LRRIQ1: variants seen among roughly 807,000 people sequenced by gnomAD.
The protein encoded by LRRIQ1 is leucine rich repeats and IQ motif containing 1.
A neutral mutation model predicts 211.9 loss-of-function variants in LRRIQ1; 210 were observed. The ratio of observed to expected loss-of-function variants is 0.99; its 90% CI spans 0.89 to 1.11. The LOEUF (loss-of-function observed/expected upper bound fraction) is 1.11. LRRIQ1 is among the 50% of genes most tolerant of loss of function. The probability of loss-of-function intolerance (pLI) is 0.00; values close to 1 mark genes in which losing one functional copy is unlikely to be tolerated. For synonymous variants in LRRIQ1, 699 were observed against 650.1 expected, an observed-to-expected ratio of 1.08 and a Z score of -1.14; for missense variants, 2,136 against 1,939.5, an observed-to-expected ratio of 1.10 and a Z score of -1.90.
Position 85,244,787 on chromosome 12 carries a change from AG to A in LRRIQ1, c.5017del, listed in dbSNP as rs1354284370. On this transcript the variant is annotated splice_acceptor_variant, in intron 26 of 26. Transcript: ENST00000393217. LOFTEE classifies it high-confidence loss of function. Reference sequence around the variant, plus strand: ...GTATACATTCTCTTCCATTGCTCCCAGGCAAGACTTGTAAGCAGAGAAGACA... The same window carrying A: ...GTATACATTCTCTTCCATTGCTCCCAGCAAGACTTGTAAGCAGAGAAGACA... 6.2e-7 allele frequency: 1 copy of A among 1,610,816 alleles called. No homozygotes were observed. Among genetic ancestry groups the A allele is most frequent in the East Asian group, 2.2e-5 (1 of 44,800 alleles).
At chr12:85,262,521 T>A (rs1896327782) in intron 1 of LRRIQ1, among the ~76,000 whole-genome samples, 1 of 151,896 alleles carries the variant, frequency 6.6e-6, no homozygotes, top group Non-Finnish European at 1.5e-5. Context: ...ATAAGACAAA[T>A]GTTAACATGT....
intron 8 of LRRIQ1, among the ~76,000 whole-genome samples, chr12:85,062,746 T>C (rs1284215633): frequency 6.6e-6 from 1 of 151,728 alleles, no homozygotes; most frequent in Non-Finnish European, 1.5e-5. Context: ...TGAATGGTGG[T>C]TCAACTCTTA....
chr12:85,193,065 ATAT>A (rs1892681348), intron 24 of LRRIQ1, among the ~76,000 whole-genome samples: 1 of 101,396 alleles, frequency 9.9e-6, no homozygotes, highest in South Asian at 2.8e-4. Flanking sequence ...TATAAATATT[ATAT>A]TATATTTTAT....
chr12:85,053,867 C>G (rs1880639479), intron 7 of LRRIQ1, among the ~76,000 whole-genome samples: 1 of 152,134 alleles, frequency 6.6e-6, no homozygotes, highest in Non-Finnish European at 1.5e-5. Flanking sequence ...GCCACTGCGC[C>G]CAGCTAATTT....
At chr12:85,155,354 C>T (rs986759294) in intron 23 of LRRIQ1, among the ~76,000 whole-genome samples, 1 of 151,522 alleles carries the variant, frequency 6.6e-6, no homozygotes, top group African/African-American at 2.4e-5. Context: ...GTTCATCAGG[C>T]TTCTCTGAAC....
At chr12:85,105,904 C>T (rs772767185) in intron 14 of LRRIQ1, among the ~76,000 whole-genome samples, 15 of 148,154 alleles carry the variant, frequency 1.0e-4, no homozygotes, top group Admixed American at 2.1e-4. Flanking sequence ...TCAAGTGATT[C>T]TCCTGCCTCA....
At chr12:85,272,089 T>C in the LRRIQ1 span, among the ~76,000 whole-genome samples, 1 of 152,196 alleles carries the variant, frequency 6.6e-6, no homozygotes, top group Non-Finnish European at 1.5e-5. Context: ...ATATCCTATA[T>C]GGTTTGCCTC....
chr12:85,103,316 G>T (rs115280611), intron 13 of LRRIQ1, among the ~76,000 whole-genome samples: 1 of 151,220 alleles, frequency 6.6e-6, no homozygotes, highest in Non-Finnish European at 1.5e-5. Context: ...AAATATCAGT[G>T]TGTTTTGGCC....
At chr12:85,217,236 A>G (rs982809404) in intron 24 of LRRIQ1, among the ~76,000 whole-genome samples, 2 of 151,126 alleles carry the variant, frequency 1.3e-5, no homozygotes, top group Non-Finnish European at 3.0e-5. Flanking sequence ...TGCTATAAGC[A>G]TTTCTGTTAT....
chr12:85,236,501 A>G (rs1309305978), intron 26 of LRRIQ1, among the ~76,000 whole-genome samples: 1 of 152,080 alleles, frequency 6.6e-6, no homozygotes, highest in African/African-American at 2.4e-5. Context: ...GAGAGGAATG[A>G]AAATGAAAAT....
Position 85,044,413 on chromosome 12 carries a change from T to G in LRRIQ1, c.245-305T>G, listed in dbSNP as rs1307615896. On this transcript the variant is annotated intron_variant, in intron 3 of 26. Coordinates refer to ENST00000393217, the MANE Select transcript of LRRIQ1 (RefSeq NM_001079910.2). ...AATTTTTGTTGATTTCTAATCAAGA[T>G]GCCGTTGCAATATCAAGCCAGGCAT... 4.6e-5 allele frequency among the ~76,000 whole-genome samples: 7 copies of G among 152,190 alleles called. No individual in the cohort carries two copies. The East Asian group carries it at 1.4e-3, about 29-fold the overall frequency.
intron 24 of LRRIQ1, among the ~76,000 whole-genome samples, chr12:85,188,706 C>T (rs1179173808): frequency 6.6e-6 from 1 of 152,126 alleles, no homozygotes; most frequent in Non-Finnish European, 1.5e-5. Flanking sequence ...CCTTGAAAAC[C>T]CCTTGCAAGT....
chr12:85,264,513 C>A (rs960224248), downstream of LRRIQ1: 4 of 151,958 alleles, frequency 2.6e-5, no homozygotes, highest in African/African-American at 7.2e-5. Flanking sequence ...TCAGCCTTGA[C>A]ATTATTATCT....
chr12:85,152,692 G>A (rs1173315547), intron 20 of LRRIQ1, among the ~76,000 whole-genome samples: 2 of 151,608 alleles, frequency 1.3e-5, no homozygotes, highest in Non-Finnish European at 3.0e-5. Context: ...TATGCATTAA[G>A]AGGGCAACAG....
At chr12:85,085,928 G>A (rs897268334) in intron 11 of LRRIQ1, among the ~76,000 whole-genome samples, 3 of 152,178 alleles carry the variant, frequency 2.0e-5, no homozygotes, top group Non-Finnish European at 4.4e-5. Context: ...TTGGTGGAAT[G>A]ATTTACTTTC....
Position 85,121,727 on chromosome 12 carries a change from G to T in LRRIQ1, c.3408G>T (p.Leu1136=). The change falls in exon 16 of 27, where the codon CTG becomes CTT. Residue 1136 remains leucine, a synonymous_variant. Coordinates refer to ENST00000393217, the MANE Select transcript of LRRIQ1 (RefSeq NM_001079910.2). ...RDSLLKVLPA[L]RILNGNILNS... ...CTCTACTTAAAGTGTTGCCTGCTCT[G>T]AGAATCCTCAATGGCAATATACTAA... 1 of 1,594,862 alleles carries T rather than the reference G, an allele frequency of 6.3e-7. No individual in the cohort carries two copies. The highest frequency in any genetic ancestry group is 8.5e-7 in the Non-Finnish European group (1 of 1,171,654).
rs1043608338 is a variant in LRRIQ1 at position 85,109,515 on chromosome 12, C to T, written c.3377+2900C>T. Among the ~76,000 whole-genome samples the T allele has an allele frequency of 1.2e-4, 19 of 152,190 alleles. No individual in the cohort carries two copies. The East Asian group carries it at 2.9e-3, about 23-fold the overall frequency. On this transcript the variant is annotated intron_variant, in intron 15 of 26. Coordinates refer to ENST00000393217, the MANE Select transcript of LRRIQ1 (RefSeq NM_001079910.2). ...GTTTTAGAAAAAAATTTGTCAACTT[C>T]CAGTTTAGAAATGTCTTTTCCAAGT...
In LRRIQ1 at chr12:85,055,937, GA is replaced by G. The variant is rs1400920035; in HGVS notation, c.1150del (p.Ile384Ter). 14 of 1,605,318 alleles carry G rather than the reference GA, an allele frequency of 8.7e-6. No homozygotes were observed. Among genetic ancestry groups the G allele is most frequent in the Non-Finnish European group, 1.2e-5 (14 of 1,176,588 alleles). Reference sequence around the variant, plus strand: ...GGAAAGAGAGCAACTAATAAGCAAGGAAAAAATAATATTAAGAGAAGATGCA... The same window carrying G: ...GGAAAGAGAGCAACTAATAAGCAAGGAAAAATAATATTAAGAGAAGATGCA... The part of the protein sequence containing the change: ...KQEREQLISK[E>X]KIILREDASQ... On this transcript the variant is annotated frameshift_variant, in exon 8 of 27. Transcript: ENST00000393217. LOFTEE classifies it high-confidence loss of function.
intron 11 of LRRIQ1, among the ~76,000 whole-genome samples, chr12:85,088,544 C>T (rs143141133): frequency 6.6e-6 from 1 of 152,100 alleles, no homozygotes; most frequent in African/African-American, 2.4e-5. Context: ...GGCAGTATGG[C>T]CATTTTCATG....
Sources: gnomAD v4.1 joint callset for allele counts (sites outside exome capture counted in the v4.1 genomes callset) on GRCh38, gnomAD v4.1.1 for gene constraint, MANE v1.5 for transcripts, NCBI Gene and HGNC (gene_info 2026-07-23, HGNC 2026-07-21) for gene names.